Variants in PPP1R1C observed in about 807,000 individuals in gnomAD.
PPP1R1C encodes the protein protein phosphatase 1 regulatory inhibitor subunit 1C, also known as protein phosphatase 1 regulatory subunit 1C.
A neutral mutation model predicts 17.4 loss-of-function variants in PPP1R1C; 15 were observed. The ratio of observed to expected loss-of-function variants is 0.86; its 90% CI spans 0.58 to 1.33. PPP1R1C has a LOEUF of 1.33. Ranked by LOEUF, PPP1R1C falls within the 40% of genes most tolerant of loss-of-function variation. PPP1R1C has a pLI of 0.00. For synonymous variants in PPP1R1C, 35 were observed against 43.1 expected (o/e 0.81, Z 0.73); for missense variants, 143 against 130.0 (o/e 1.10, Z -0.48).
At chr2:182,015,960 C>G (rs1395109501) in intron 2 of PPP1R1C, among the ~76,000 whole-genome samples, 1 of 152,092 alleles carries the variant, frequency 6.6e-6, no homozygotes, top group Non-Finnish European at 1.5e-5. Flanking sequence ...TGTGCGTGTG[C>G]CGGCTCCGAG....
upstream of PPP1R1C, among the ~76,000 whole-genome samples, chr2:181,981,712 C>G (rs1685196886): frequency 1.3e-5 from 2 of 152,216 alleles, no homozygotes; most frequent in Non-Finnish European, 2.9e-5. Flanking sequence ...AATATTGTCA[C>G]TCTCCCATGC....
intron 4 of PPP1R1C, among the ~76,000 whole-genome samples, chr2:182,068,093 C>T (rs1158402814): frequency 6.6e-6 from 1 of 152,098 alleles, no homozygotes; most frequent in East Asian, 1.9e-4. Context: ...AACATGAACT[C>T]CTCCTTTTGG....
At chr2:182,018,062 T>G (rs1287378618) in intron 2 of PPP1R1C, among the ~76,000 whole-genome samples, 1 of 152,154 alleles carries the variant, frequency 6.6e-6, no homozygotes, top group Non-Finnish European at 1.5e-5. Context: ...TTGATTTCCT[T>G]CAAATTTTAT....
intron 1 of PPP1R1C, among the ~76,000 whole-genome samples, chr2:181,956,645 A>T (rs1436034412): frequency 6.6e-6 from 1 of 152,214 alleles, no homozygotes; most frequent in African/African-American, 2.4e-5. Flanking sequence ...TCTGATGACC[A>T]GTGATCATGA....
At chr2:182,045,174 G>A (rs1272260642) in intron 2 of PPP1R1C, among the ~76,000 whole-genome samples, 13 of 152,156 alleles carry the variant, frequency 8.5e-5, no homozygotes. Context: ...ACTGCATGAA[G>A]GTTAAGATTT....
At chr2:181,991,093 A>G (rs1685460903) in intron 2 of PPP1R1C, among the ~76,000 whole-genome samples, 1 of 146,894 alleles carries the variant, frequency 6.8e-6, no homozygotes. Flanking sequence ...AATCACTGTT[A>G]AATGGATTAG....
intron 2 of PPP1R1C, among the ~76,000 whole-genome samples, chr2:182,001,076 G>A (rs972989175): frequency 1.6e-4 from 24 of 152,070 alleles, no homozygotes; most frequent in African/African-American, 5.8e-4. Context: ...ATAACCCATT[G>A]GATTATTATG....
intron 2 of PPP1R1C, among the ~76,000 whole-genome samples, chr2:182,032,808 C>T (rs2125172516): frequency 6.6e-6 from 1 of 152,264 alleles, no homozygotes; most frequent in South Asian, 2.1e-4. Context: ...TAATGCCCAA[C>T]ATACTAAGTG....
At chr2:182,046,438 C>T (rs570044557) in intron 2 of PPP1R1C, among the ~76,000 whole-genome samples, 5 of 151,978 alleles carry the variant, frequency 3.3e-5, no homozygotes, top group East Asian at 1.9e-4. Context: ...AAATTATTAA[C>T]TAGCAATTCA....
At chr2:182,116,514 G>T (rs1427856347) in intron 4 of PPP1R1C, among the ~76,000 whole-genome samples, 1 of 152,088 alleles carries the variant, frequency 6.6e-6, no homozygotes, top group Admixed American at 6.6e-5. Context: ...AGAAAAGTAT[G>T]AAAGCCTGAG....
intron 2 of PPP1R1C, among the ~76,000 whole-genome samples, chr2:181,979,213 C>T (rs1295628101): frequency 2.0e-5 from 3 of 152,110 alleles, no homozygotes; most frequent in African/African-American, 7.2e-5. Context: ...TACATCTTAT[C>T]CTTACATTTT....
downstream of PPP1R1C, chr2:182,130,299 G>GA (rs1689975862): frequency 6.6e-6 from 1 of 152,080 alleles, no homozygotes; most frequent in Non-Finnish European, 1.5e-5. Flanking sequence ...AATAAAATAT[G>GA]AAAAAGCATA....
At chr2:182,018,431 T>C (rs1012016019) in intron 2 of PPP1R1C, among the ~76,000 whole-genome samples, 6 of 152,200 alleles carry the variant, frequency 3.9e-5, no homozygotes, top group African/African-American at 1.4e-4. Context: ...AGAAGATTGA[T>C]GTTTTTAGAA....
intron 5 of PPP1R1C, among the ~76,000 whole-genome samples, chr2:182,127,488 C>A: frequency 6.6e-6 from 1 of 151,972 alleles, no homozygotes; most frequent in East Asian, 1.9e-4. Context: ...ATCAAGACAC[C>A]AACAAGCAAC....
In PPP1R1C at chr2:181,962,504, A is replaced by G; in HGVS notation, n.111+7870A>G. On this transcript the variant is annotated intron_variant and non_coding_transcript_variant, in intron 1 of 5. Transcript: ENST00000464264. This position sits in a 1 kb window ranked among gnomAD's most constrained non-coding sequence, Gnocchi z 6.0. ...GCTATCCAGGGAGGAGAGTGAGAGG[A>G]CAGGACTCAGGCTTTGCCGACCCGT... The G allele has an allele frequency of 1.5e-6, 1 of 667,854 alleles. No individual in the cohort carries two copies. The highest frequency in any genetic ancestry group is 3.0e-5 in the East Asian group (1 of 33,406). The allele number at this position is 667,854 out of a possible 1,614,324, so 41.4% of individuals were successfully genotyped here.
chr2:182,027,962 T>G (rs375137480), intron 2 of PPP1R1C, among the ~76,000 whole-genome samples: 5 of 129,738 alleles, frequency 3.9e-5, no homozygotes, highest in Admixed American at 1.6e-4. Context: ...GTCGAGGAAT[T>G]TATCCATTTC....
intron 2 of PPP1R1C, among the ~76,000 whole-genome samples, chr2:181,998,975 T>C (rs1181447477): frequency 1.3e-5 from 2 of 152,188 alleles, no homozygotes; most frequent in Non-Finnish European, 2.9e-5. Context: ...CACAGGTCAT[T>C]TTACTTGGTG....
At chr2:182,003,611 A>C (rs573545250) in intron 2 of PPP1R1C, among the ~76,000 whole-genome samples, 3 of 152,192 alleles carry the variant, frequency 2.0e-5, no homozygotes, top group Admixed American at 2.0e-4. Context: ...ACATTCTACC[A>C]AAAGAGGACA....
intron 1 of PPP1R1C, among the ~76,000 whole-genome samples, chr2:181,973,882 T>TA (rs1272406320): frequency 2.0e-5 from 3 of 152,196 alleles, no homozygotes; most frequent in Admixed American, 1.3e-4. Context: ...GTTTTCTTTT[T>TA]AAAAAATATT....
Sources: gnomAD v4.1 joint callset for allele counts (sites outside exome capture counted in the v4.1 genomes callset) on GRCh38, gnomAD v4.1.1 for gene constraint, Gnocchi (gnomAD v3.1) non-coding constraint, MANE v1.5 for transcripts, NCBI Gene and HGNC (gene_info 2026-07-23, HGNC 2026-07-21) for gene names.